The following MYO5C variants were observed in gnomAD, a reference collection of about 807,000 sequenced individuals.
MYO5C encodes unconventional myosin-Vc.
In MYO5C, 194 loss-of-function variants were observed where a neutral mutation model predicts 235.7. That is an observed-to-expected ratio of 0.82 (90% CI 0.73 to 0.93). MYO5C has a LOEUF of 0.93. MYO5C is among the 40% of genes least tolerant of loss of function. The pLI is 0.00. For synonymous variants in MYO5C, 707 were observed against 754.8 expected (o/e 0.94, Z 1.04); for missense variants, 2,038 against 2,127.2 (o/e 0.96, Z 0.82).
intron 2 of MYO5C, among the ~76,000 whole-genome samples, chr15:52,280,149 G>T (rs2037135705): frequency 2.0e-5 from 3 of 152,224 alleles, no homozygotes; most frequent in Non-Finnish European, 2.9e-5. Context: ...TAACTCTAAG[G>T]TTGTTGAGTC....
Position 52,264,231 on chromosome 15 carries a change from C to T in MYO5C, c.1006G>A (p.Val336Met), listed in dbSNP as rs774390422. The change falls in exon 9 of 41, where the codon GTG becomes ATG. Residue 336 changes from valine to methionine, a missense_variant. Coordinates refer to ENST00000261839, the MANE Select transcript of MYO5C (RefSeq NM_018728.4). The part of the protein sequence containing the change: ...ILAAILHLGN[V>M]QITAVGNERS... ...TCGTTGCCCACCGCGGTGATCTGCA[C>T]ATTGCCCAGATGTAGGATGGCTGCC... The T allele has an allele frequency of 1.4e-5, 23 of 1,614,084 alleles. No homozygotes were observed. Among genetic ancestry groups the T allele is most frequent in the Non-Finnish European group, 1.5e-5 (18 of 1,179,948 alleles).
chr15:52,235,472 A>C (rs2036059384), intron 23 of MYO5C, among the ~76,000 whole-genome samples, 198 bp downstream of exon 23: 1 of 152,218 alleles, frequency 6.6e-6, no homozygotes, highest in Non-Finnish European at 1.5e-5. Flanking sequence ...GCTGTCTGAC[A>C]AAAGACAGAA....
intron 1 of MYO5C, among the ~76,000 whole-genome samples, chr15:52,291,358 G>A (rs2037384234): frequency 6.6e-6 from 1 of 152,162 alleles, no homozygotes; most frequent in Admixed American, 6.5e-5. Flanking sequence ...CACCCTTCCT[G>A]CTCAGCAGCT....
chr15:52,230,815 C>T (rs1453970179), intron 24 of MYO5C, among the ~76,000 whole-genome samples: 2 of 149,534 alleles, frequency 1.3e-5, no homozygotes, highest in African/African-American at 2.5e-5. Context: ...AAAAGGCAGC[C>T]AGAAGTCTTC....
chr15:52,264,270 C>A lies in MYO5C; in HGVS notation c.967G>T (p.Val323Phe), dbSNP rs778653472. Residue 323 changes from valine (V) to phenylalanine (F), a missense_variant, in exon 9 of 41, where the codon GTT becomes TTT. Val to Phe is a conservative substitution (Grantham distance 50, BLOSUM62 -1). Coordinates refer to ENST00000261839, the MANE Select transcript of MYO5C (RefSeq NM_018728.4). The part of the protein sequence containing the change: ...LGFKEDFQMD[V>F]FKILAAILHL... The stretch of plus-strand genomic sequence containing the variant: ...AGGATGGCTGCCAGGATTTTAAAAA[C>A]GTCCATCTGAAAATCCTCCTTGAAA... 5.6e-6 allele frequency: 9 copies of A among 1,614,004 alleles called. No homozygotes were observed. Among genetic ancestry groups the A allele is most frequent in the South Asian group, 3.3e-5 (3 of 91,084 alleles).
intron 19 of MYO5C, chr15:52,242,592 AGTTATCATCTC>A (rs1459061464): frequency 1.2e-5 from 2 of 171,452 alleles, no homozygotes; most frequent in Non-Finnish European, 2.5e-5. Flanking sequence ...TGCCTTAAAT[AGTTATCATCTC>A]GTCCTTTACA....
intron 2 of MYO5C, among the ~76,000 whole-genome samples, chr15:52,282,242 ACTCC>A (rs890149243): frequency 1.3e-5 from 2 of 150,800 alleles, no homozygotes; most frequent in African/African-American, 4.9e-5. Context: ...TCCCTGCCAC[ACTCC>A]CTCCCTTACA....
chr15:52,286,288 G>A (rs1213643039), intron 1 of MYO5C, among the ~76,000 whole-genome samples: 20 of 150,402 alleles, frequency 1.3e-4, no homozygotes, highest in African/African-American at 4.9e-4. Flanking sequence ...CCCCCCGCCC[G>A]GCCAGCCGCC....
Position 52,205,739 on chromosome 15 carries a change from T to G in MYO5C, c.4537+77A>C, listed in dbSNP as rs557426214. 4.1e-5 allele frequency: 37 copies of G among 898,766 alleles called. No individual in the cohort carries two copies. In the African/African-American group the frequency reaches 6.1e-4, roughly 15 times the overall value. 55.7% of individuals were successfully genotyped at this position (898,766 alleles called of 1,614,324 possible). On this transcript the variant is annotated intron_variant, in intron 37 of 40. Coordinates refer to ENST00000261839, the MANE Select transcript of MYO5C (RefSeq NM_018728.4). The stretch of plus-strand genomic sequence containing the variant: ...AAACAATGTTACACATAATCACACA[T>G]TACACATACCAAGTTTATGTTTTAA...
At chr15:52,227,343 T>C (rs2141294984) in intron 25 of MYO5C, among the ~76,000 whole-genome samples, 1 of 149,392 alleles carries the variant, frequency 6.7e-6, no homozygotes, top group East Asian at 2.1e-4. Flanking sequence ...TACAGGTGTG[T>C]GCTACCTCGC....
In MYO5C at chr15:52,223,630, T is replaced by C. The variant is rs189004593; in HGVS notation, c.3541A>G (p.Asn1181Asp). The C allele has an allele frequency of 6.2e-7, 1 of 1,614,202 alleles. No homozygotes were observed. Among genetic ancestry groups the C allele is most frequent in the East Asian group, 2.2e-5 (1 of 44,888 alleles). Residue 1181 changes from asparagine to aspartate, a missense_variant, in exon 29 of 41, where the codon AAC becomes GAC. Physicochemically the swap from Asn to Asp is conservative, Grantham distance 23. Transcript: ENST00000261839. ...FKVVHLSQEI[N>D]HLQKLFREEN... ...TCTCTGAATAACTTCTGCAGGTGGTTGATTTCTTGACTGAGATGCACCACT... is the reference window on the plus strand; with the variant it reads ...TCTCTGAATAACTTCTGCAGGTGGTCGATTTCTTGACTGAGATGCACCACT...
At chr15:52,258,524 T>C (rs2036626998) in intron 10 of MYO5C, among the ~76,000 whole-genome samples, 1 of 152,226 alleles carries the variant, frequency 6.6e-6, no homozygotes, top group East Asian at 1.9e-4. Context: ...AGCTCACAGC[T>C]TCAGCTTTAC....
intron 10 of MYO5C, among the ~76,000 whole-genome samples, chr15:52,260,552 T>C (rs902197843): frequency 6.6e-6 from 1 of 152,222 alleles, no homozygotes; most frequent in Non-Finnish European, 1.5e-5. Flanking sequence ...GTTGCAGCTC[T>C]ACAACGGGGA....
At chr15:52,250,322 A>G (rs2036444680) in intron 13 of MYO5C, among the ~76,000 whole-genome samples, 1 of 148,690 alleles carries the variant, frequency 6.7e-6, no homozygotes, top group Non-Finnish European at 1.5e-5. Flanking sequence ...GGCTCAATGC[A>G]ACCTCCGCCT....
Position 52,256,667 on chromosome 15 carries a change from T to C in MYO5C, c.1367A>G (p.Asn456Ser). 6.2e-7 allele frequency: 1 copy of C among 1,612,236 alleles called. No individual in the cohort carries two copies. The highest frequency in any genetic ancestry group is 8.5e-7 in the Non-Finnish European group (1 of 1,178,996). Residue 456 changes from asparagine to serine, a missense_variant, in exon 11 of 41, where the codon AAT (asparagine) becomes AGT (serine). By Grantham distance (46) the Asn-to-Ser change is conservative. Coordinates refer to ENST00000261839, the MANE Select transcript of MYO5C (RefSeq NM_018728.4). ...SFEQFCINYANEKLQQQFNMH... is the reference protein window; with the variant it reads ...SFEQFCINYASEKLQQQFNMH... ...GTTAAACTGTTGTTGCAGTTTTTCATTAGCGTAATTGATGCAAAATTGTTC... is the reference window on the plus strand; with the variant it reads ...GTTAAACTGTTGTTGCAGTTTTTCACTAGCGTAATTGATGCAAAATTGTTC...
At position 52,290,668 on chromosome 15, in the gene MYO5C, TC is replaced by T. The variant is rs1390982013; in HGVS notation, c.27+4941del. On this transcript the variant is annotated intron_variant, in intron 1 of 40. Transcript: ENST00000261839. ...GGTCTCCAGAGGCATGCCACAGAGC[TC>T]TACCGCCTCCCCTTTCATTCAACAC... 3.4e-5 allele frequency among the ~76,000 whole-genome samples: 5 copies of T among 148,978 alleles called. No homozygotes were observed. The East Asian group carries it at 9.8e-4, about 29-fold the overall frequency.
At chr15:52,289,347 A>G (rs2037342366) in intron 1 of MYO5C, among the ~76,000 whole-genome samples, 1 of 151,960 alleles carries the variant, frequency 6.6e-6, no homozygotes. Flanking sequence ...TCTACACCAC[A>G]TTTCCAATTG....
intron 32 of MYO5C, among the ~76,000 whole-genome samples, chr15:52,216,471 T>C (rs2035555530): frequency 6.6e-6 from 1 of 152,178 alleles, no homozygotes. Context: ...CCATGACATC[T>C]TAAAGTGCTG....
At chr15:52,262,958 C>T (rs1172902093) in intron 9 of MYO5C, among the ~76,000 whole-genome samples, 2 of 152,072 alleles carry the variant, frequency 1.3e-5, no homozygotes, top group Admixed American at 6.6e-5. Context: ...GTGAGGCCTG[C>T]CATGATGGGA....
Sources: allele counts gnomAD v4.1 joint callset (sites outside exome capture counted in the v4.1 genomes callset), GRCh38; gene constraint gnomAD v4.1.1; transcripts MANE v1.5; gene names NCBI Gene and HGNC (gene_info 2026-07-23, HGNC 2026-07-21).